Variants in RPSA2 observed in about 807,000 individuals in gnomAD.
The protein encoded by RPSA2 is small ribosomal subunit protein uS2B.
chr19:23,758,724 G>C, the RPSA2 span: 1 of 1,614,192 alleles, frequency 6.2e-7, no homozygotes, highest in Admixed American at 1.7e-5. Context: ...CCTCTCTCGG[G>C]ATGTCGGACC....
the RPSA2 span, among the ~76,000 whole-genome samples, chr19:23,833,922 A>C: frequency 6.6e-6 from 1 of 152,134 alleles, no homozygotes; most frequent in East Asian, 1.9e-4. Context: ...GTGAGTTTAT[A>C]TTGAAGAAAA....
the RPSA2 span, among the ~76,000 whole-genome samples, chr19:23,825,859 G>A: frequency 1.3e-5 from 2 of 152,228 alleles, no homozygotes; most frequent in East Asian, 1.9e-4. Context: ...AATGTACTGA[G>A]ATTACAGGTG....
chr19:23,788,196 A>T, the RPSA2 span, among the ~76,000 whole-genome samples: 7 of 151,812 alleles, frequency 4.6e-5, no homozygotes, highest in African/African-American at 1.7e-4. Flanking sequence ...CTGTCATGCC[A>T]AGGCCTTGCC....
At chr19:23,776,546 G>A in the RPSA2 span, among the ~76,000 whole-genome samples, 1 of 152,138 alleles carries the variant, frequency 6.6e-6, no homozygotes, top group Non-Finnish European at 1.5e-5. Context: ...TCTCTTGTTT[G>A]GGTTCTGCCT....
chr19:23,862,278 C>T, the RPSA2 span, among the ~76,000 whole-genome samples: 772 of 151,816 alleles, frequency 5.1e-3, 10 homozygotes, highest in African/African-American at 0.018. Flanking sequence ...AGATTTTGGG[C>T]TGAGACAATG....
the RPSA2 span, among the ~76,000 whole-genome samples, chr19:23,813,256 T>G: frequency 1.4e-5 from 2 of 146,310 alleles, no homozygotes; most frequent in East Asian, 4.0e-4. Flanking sequence ...AAAAGTTGTG[T>G]ATTTCAGGTA....
At chr19:23,780,640 C>CAAACAAAACAAAACAAAACAAAACA in the RPSA2 span, among the ~76,000 whole-genome samples, 909 of 150,742 alleles carry the variant, frequency 6.0e-3, 10 homozygotes, top group African/African-American at 0.021. Flanking sequence ...GACTCCGTCT[C>CAAACAAAACAAAACAAAACAAAACA]AAACAAAACA....
At chr19:23,857,524 C>G in the RPSA2 span, among the ~76,000 whole-genome samples, 1 of 106,624 alleles carries the variant, frequency 9.4e-6, no homozygotes, top group Admixed American at 1.3e-4. Context: ...GAGTTTTGCT[C>G]TCATTGCCCA....
the RPSA2 span, chr19:23,831,505 T>A: frequency 2.0e-5 from 3 of 153,136 alleles, no homozygotes; most frequent in Non-Finnish European, 2.9e-5. Flanking sequence ...TGTTTATGTA[T>A]TTGGTATAAT....
chr19:23,786,799 A>G, the RPSA2 span, among the ~76,000 whole-genome samples: 139 of 152,090 alleles, frequency 9.1e-4, no homozygotes, highest in Non-Finnish European at 1.8e-3. Flanking sequence ...GTATTGTGAC[A>G]TATTGCTGAA....
At chr19:23,759,148 T>C in the RPSA2 span, among the ~76,000 whole-genome samples, 1 of 151,978 alleles carries the variant, frequency 6.6e-6, no homozygotes, top group Non-Finnish European at 1.5e-5. Context: ...CTGTGTAAGG[T>C]CACATGCATT....
At chr19:23,774,669 T>A in the RPSA2 span, among the ~76,000 whole-genome samples, 1 of 152,184 alleles carries the variant, frequency 6.6e-6, no homozygotes, top group Non-Finnish European at 1.5e-5. Flanking sequence ...TATGAGAGAT[T>A]GTGACATACC....
At chr19:23,850,092 G>T in the RPSA2 span, among the ~76,000 whole-genome samples, 3 of 151,834 alleles carry the variant, frequency 2.0e-5, no homozygotes, top group Admixed American at 6.6e-5. Context: ...AACATTAAAT[G>T]CAGTGCCGCC....
chr19:23,803,517 A>G, the RPSA2 span, among the ~76,000 whole-genome samples: 1 of 152,196 alleles, frequency 6.6e-6, no homozygotes, highest in East Asian at 1.9e-4. Flanking sequence ...AAACACAACA[A>G]AAATTCATCT....
the RPSA2 span, among the ~76,000 whole-genome samples, chr19:23,844,022 G>C: frequency 6.6e-6 from 1 of 152,134 alleles, no homozygotes; most frequent in Non-Finnish European, 1.5e-5. Context: ...GCCTCCCAAA[G>C]TGCTGGAATT....
chr19:23,852,304 G>A, the RPSA2 span, among the ~76,000 whole-genome samples: 6 of 151,086 alleles, frequency 4.0e-5, no homozygotes, highest in African/African-American at 4.9e-5. Context: ...AGACCAGCTC[G>A]GTTGGGGAGA....
chr19:23,793,954 T>G, the RPSA2 span, among the ~76,000 whole-genome samples: 7 of 152,258 alleles, frequency 4.6e-5, no homozygotes, highest in South Asian at 1.4e-3. Context: ...CGTATTTTTT[T>G]AGAGATGGGA....
chr19:23,857,404 G>A, the RPSA2 span, among the ~76,000 whole-genome samples: 16 of 151,748 alleles, frequency 1.1e-4, no homozygotes, highest in East Asian at 1.7e-3. Flanking sequence ...GGCTCCAGCC[G>A]GTCCCTCCAT....
the RPSA2 span, among the ~76,000 whole-genome samples, chr19:23,763,555 G>T: frequency 6.6e-6 from 1 of 152,282 alleles, no homozygotes; most frequent in South Asian, 2.1e-4. Context: ...GGCAACCTCC[G>T]CCTCTCAGGC....
Sources: allele counts gnomAD v4.1 joint callset (sites outside exome capture counted in the v4.1 genomes callset), GRCh38; gene constraint gnomAD v4.1.1; transcripts MANE v1.5; gene names NCBI Gene and HGNC (gene_info 2026-07-23, HGNC 2026-07-21).